The following MCM2 variants were observed in gnomAD, a reference collection of about 807,000 sequenced individuals.
MCM2 encodes the protein DNA replication licensing factor MCM2.
Under a neutral mutation model 86.4 loss-of-function variants are expected in MCM2, and 49 were observed. The observed-to-expected ratio is 0.57, with a 90% confidence interval of 0.45 to 0.72. The LOEUF is 0.72. Ranked by LOEUF, MCM2 falls within the 30% of genes least tolerant of loss-of-function variation. MCM2 has a pLI of 0.00. For synonymous variants in MCM2, 475 were observed against 484.6 expected (o/e 0.98, Z 0.26); for missense variants, 1,038 against 1,259.9 (o/e 0.82, Z 2.67).
chr3:127,612,757 G>A lies in MCM2; in HGVS notation c.1429-3105G>A, dbSNP rs912801181. ...GTGGGCACTCTATCCCTGTTTGCTGGGTGCGGAGACTGAGGAGTGCTAGGA... is the reference window on the plus strand; with the variant it reads ...GTGGGCACTCTATCCCTGTTTGCTGAGTGCGGAGACTGAGGAGTGCTAGGA... On this transcript the variant is annotated intron_variant, in intron 8 of 15. Coordinates refer to ENST00000265056, the MANE Select transcript of MCM2 (RefSeq NM_004526.4). Among the ~76,000 whole-genome samples the A allele has an allele frequency of 2.0e-5, 3 of 152,262 alleles. No individual in the cohort carries two copies. The South Asian group carries it at 6.2e-4, about 32-fold the overall frequency.
intron 6 of MCM2, 32 bp from the exon 7 acceptor site, chr3:127,608,350 G>A (rs868142752): frequency 6.2e-7 from 1 of 1,609,954 alleles, no homozygotes; most frequent in Middle Eastern, 1.7e-4. Flanking sequence ...TAGTAAGTCA[G>A]TGATTTGAGG....
In MCM2 at chr3:127,617,541, A is replaced by C; in HGVS notation, c.1900+136A>C. 1 of 1,129,294 alleles carries C rather than the reference A, an allele frequency of 8.9e-7. No individual in the cohort carries two copies. Among genetic ancestry groups the C allele is most frequent in the Non-Finnish European group, 1.2e-6 (1 of 818,114 alleles). 70.0% of individuals were successfully genotyped at this position (1,129,294 alleles called of 1,614,324 possible). On this transcript the variant is annotated intron_variant, in intron 11 of 15. Transcript: ENST00000265056. This position sits in a 1 kb window ranked among gnomAD's most constrained non-coding sequence, Gnocchi z 4.1. ...GCAGCAGAGGGTTCCCCTCTTCTGC[A>C]TATCCTGCCAGAGTGGGGAACAGTG...
rs2074480090 is a variant in MCM2, at chr3:127,621,712, T to A, written c.2654T>A (p.Leu885His). Reference protein sequence around the residue: ...HNLSAFYDSELFRMNKFSHDL... With the variant: ...HNLSAFYDSEHFRMNKFSHDL... ...CTCTCTGCATTTTATGACAGTGAGCTCTTCAGGATGAACAAGTTCAGCCAC... is the reference window on the plus strand; with the variant it reads ...CTCTCTGCATTTTATGACAGTGAGCACTTCAGGATGAACAAGTTCAGCCAC... Residue 885 changes from leucine to histidine, a missense_variant, in exon 16 of 16, where the codon CTC (leucine) becomes CAC (histidine). Leu to His is a moderately conservative substitution (Grantham distance 99). This residue lies in a region of MCM2 where 336 missense variants were observed against 425.7 expected (regional missense o/e 0.79). Transcript: ENST00000265056. 1.2e-6 allele frequency: 2 copies of A among 1,614,146 alleles called. No individual in the cohort carries two copies. The highest frequency in any genetic ancestry group is 1.3e-5 in the African/African-American group (1 of 75,030).
At position 127,618,052 on chromosome 3, in the gene MCM2, G is replaced by A. The variant is rs781032342; in HGVS notation, c.1984G>A (p.Val662Met). 2 of 1,614,130 alleles carry A rather than the reference G, an allele frequency of 1.2e-6. No individual in the cohort carries two copies. The highest frequency in any genetic ancestry group is 1.3e-5 in the African/African-American group (1 of 75,028). Residue 662 changes from valine (V) to methionine (M), a missense_variant, in exon 12 of 16, where the codon GTG (valine) becomes ATG (methionine). Physicochemically the swap from Val to Met is conservative, Grantham distance 21. Transcript: ENST00000265056. The surrounding 1 kb of genome is among the most constrained non-coding windows in gnomAD (Gnocchi z 4.0). ...PIISRFDILC[V>M]VRDTVDPVQD... ...CATCTCACGCTTTGACATCCTGTGT[G>A]TGGTGAGGGACACCGTGGACCCAGT...
In MCM2 at chr3:127,617,522, G is replaced by C; in HGVS notation, c.1900+117G>C. The C allele has an allele frequency of 7.6e-7, 1 of 1,322,844 alleles. No homozygotes were observed. The highest frequency in any genetic ancestry group is 1.0e-6 in the Non-Finnish European group (1 of 987,278). The allele number at this position is 1,322,844 out of a possible 1,614,324, so 81.9% of individuals were successfully genotyped here. A position where few individuals can be genotyped will look rare whatever the true frequency, so the allele number is the denominator to read the frequency against. On this transcript the variant is annotated intron_variant, in intron 11 of 15. Transcript: ENST00000265056. The surrounding 1 kb of genome is among the most constrained non-coding windows in gnomAD (Gnocchi z 4.1). ...GATCTGAGGAAGTCATTGTGCAGCA[G>C]AGGGTTCCCCTCTTCTGCATATCCT...
Position 127,615,122 on chromosome 3 carries a change from G to A in MCM2, c.1429-740G>A, listed in dbSNP as rs2074423889. Among the ~76,000 whole-genome samples the A allele has an allele frequency of 2.0e-5, 3 of 152,176 alleles. No individual in the cohort carries two copies. In the South Asian group the frequency reaches 6.2e-4, roughly 32 times the overall value. On this transcript the variant is annotated intron_variant, in intron 8 of 15. Transcript: ENST00000265056. Reference sequence around the variant, plus strand: ...GTCCCCTCTCCCCAGGCGAGGGCCAGTGCTTTCTGAGCTTCTTTGTCTGTC... The same window carrying A: ...GTCCCCTCTCCCCAGGCGAGGGCCAATGCTTTCTGAGCTTCTTTGTCTGTC...
intron 8 of MCM2, among the ~76,000 whole-genome samples, chr3:127,613,092 T>A (rs1464609940): frequency 6.6e-6 from 1 of 152,228 alleles, no homozygotes; most frequent in Non-Finnish European, 1.5e-5. Flanking sequence ...ACATTTGCGC[T>A]GCTTGCCCTC....
rs367655137 is a variant in MCM2 at position 127,617,162 on chromosome 3, G to T, written c.1773+44G>T. 2 of 1,607,196 alleles carry T rather than the reference G, an allele frequency of 1.2e-6. No individual in the cohort carries two copies. The highest frequency in any genetic ancestry group is 1.7e-6 in the Non-Finnish European group (2 of 1,175,512). Reference sequence around the variant, plus strand: ...GAGGCTGGTGGAACTCAGGGGGTGTGTGTGGGCTTGGGCCTTAGCGACGGG... The same window carrying T: ...GAGGCTGGTGGAACTCAGGGGGTGTTTGTGGGCTTGGGCCTTAGCGACGGG... On this transcript the variant is annotated intron_variant, in intron 10 of 15. Transcript: ENST00000265056. This position sits in a 1 kb window ranked among gnomAD's most constrained non-coding sequence, Gnocchi z 4.1.
At chr3:127,607,225 G>T (rs895026571) in intron 6 of MCM2, among the ~76,000 whole-genome samples, 2 of 152,200 alleles carry the variant, frequency 1.3e-5, no homozygotes, top group African/African-American at 2.4e-5. Context: ...TCTGGGACCT[G>T]TCTGGCTCAC....
At chr3:127,604,490 G>A (rs2074329805) in intron 2 of MCM2, 118 bp from the exon 3 acceptor site, 3 of 1,002,216 alleles carry the variant, frequency 3.0e-6, no homozygotes, top group Middle Eastern at 3.3e-4. Flanking sequence ...TGGAAGCGCT[G>A]AGCCTACCCA....
chr3:127,608,585 G>T lies in MCM2; in HGVS notation c.1236+69G>T, dbSNP rs2074368158. On this transcript the variant is annotated intron_variant, in intron 7 of 15. Coordinates refer to ENST00000265056, the MANE Select transcript of MCM2 (RefSeq NM_004526.4). ...GAACTGGCAGAAGCAGTTGTGGCTG[G>T]GCCGGTGGCGGTGTCTATGGTCGCA... 2.5e-6 allele frequency: 4 copies of T among 1,589,498 alleles called. No individual in the cohort carries two copies. In the Admixed American group the frequency reaches 6.8e-5, roughly 27 times the overall value.
At chr3:127,610,006 G>A (rs1386881016) in intron 8 of MCM2, among the ~76,000 whole-genome samples, 1 of 151,704 alleles carries the variant, frequency 6.6e-6, no homozygotes, top group Non-Finnish European at 1.5e-5. Context: ...CACCGCACCT[G>A]ACTAATTTTT....
chr3:127,606,520 C>G lies in MCM2; in HGVS notation c.894-90C>G. 2.2e-6 allele frequency: 3 copies of G among 1,355,972 alleles called. No homozygotes were observed. Among genetic ancestry groups the G allele is most frequent in the Non-Finnish European group, 3.1e-6 (3 of 964,648 alleles). 84.0% of individuals were successfully genotyped at this position (1,355,972 alleles called of 1,614,324 possible). ...ATCTTCCCGGGCTGGGGGCTGGGCCCAATTTCCAGGACAGTGTGTTGGGAC... is the reference window on the plus strand; with the variant it reads ...ATCTTCCCGGGCTGGGGGCTGGGCCGAATTTCCAGGACAGTGTGTTGGGAC... On this transcript the variant is annotated intron_variant, in intron 5 of 15. Coordinates refer to ENST00000265056, the MANE Select transcript of MCM2 (RefSeq NM_004526.4). The surrounding 1 kb of genome is among the most constrained non-coding windows in gnomAD (Gnocchi z 4.2).
In MCM2 at chr3:127,606,851, C is replaced by A; in HGVS notation, c.1101+34C>A. The A allele has an allele frequency of 6.2e-7, 1 of 1,606,686 alleles. No homozygotes were observed. Among genetic ancestry groups the A allele is most frequent in the Non-Finnish European group, 8.5e-7 (1 of 1,173,602 alleles). On this transcript the variant is annotated intron_variant, in intron 6 of 15. Coordinates refer to ENST00000265056, the MANE Select transcript of MCM2 (RefSeq NM_004526.4). This position sits in a 1 kb window ranked among gnomAD's most constrained non-coding sequence, Gnocchi z 4.2. ...GGACACAAGGTCTGCTGCCAGCTGT[C>A]CTTAGGGGTGCCCAGTATGCAGGAC...
intron 8 of MCM2, among the ~76,000 whole-genome samples, chr3:127,609,400 T>A (rs2074375912): frequency 6.6e-6 from 1 of 152,164 alleles, no homozygotes; most frequent in Non-Finnish European, 1.5e-5. Flanking sequence ...ATAACTTGTG[T>A]CATGAGGGAT....
chr3:127,604,271 GA>G, intron 2 of MCM2: 1 of 235,412 alleles, frequency 4.2e-6, no homozygotes, highest in Non-Finnish European at 8.3e-6. Flanking sequence ...CTGTTTCTGT[GA>G]ATTTGACCGC....
rs2074479550 is a variant in MCM2, at chr3:127,621,659, G to A, written c.2605-4G>A. 1.9e-6 allele frequency: 3 copies of A among 1,603,630 alleles called. No individual in the cohort carries two copies. The highest frequency in any genetic ancestry group is 2.6e-6 in the Non-Finnish European group (3 of 1,170,910). ...ATGGCTCACTGGACACTTCCTCCTT[G>A]CAGGCTCGTCAGATCAACATCCACA... On this transcript the variant is annotated splice_region_variant and splice_polypyrimidine_tract_variant and intron_variant, in intron 15 of 15. Coordinates refer to ENST00000265056, the MANE Select transcript of MCM2 (RefSeq NM_004526.4).
chr3:127,603,246 G>T (rs985209700), intron 2 of MCM2, among the ~76,000 whole-genome samples: 3 of 152,054 alleles, frequency 2.0e-5, no homozygotes, highest in East Asian at 1.9e-4. Flanking sequence ...TGATCCGCCC[G>T]CCTCAGCCTC....
At position 127,598,445 on chromosome 3, in the gene MCM2, C is replaced by T. The variant is rs773303134; in HGVS notation, c.-22C>T. On this transcript the variant is annotated 5_prime_UTR_variant, in exon 1 of 16. Transcript: ENST00000265056. ...CGAAACCTGGTTGTTGCTGTAGTGGCGGAGAGGATCGTGGTACTGCTATGG... is the reference window on the plus strand; with the variant it reads ...CGAAACCTGGTTGTTGCTGTAGTGGTGGAGAGGATCGTGGTACTGCTATGG... 228 of 1,613,300 alleles carry T rather than the reference C, an allele frequency of 1.4e-4. No homozygotes were observed. The highest frequency in any genetic ancestry group is 1.9e-4 in the Non-Finnish European group (225 of 1,179,568).
Sources: allele counts gnomAD v4.1 joint callset (sites outside exome capture counted in the v4.1 genomes callset), GRCh38; gene constraint gnomAD v4.1.1; regional missense constraint gnomAD v4.1.1; non-coding constraint Gnocchi (gnomAD v3.1); transcripts MANE v1.5; gene names NCBI Gene and HGNC (gene_info 2026-07-23, HGNC 2026-07-21).